Variants in BACE1 observed in about 807,000 individuals in gnomAD.
BACE1 encodes APP beta-secretase.
BACE1 carries 21 observed loss-of-function variants against 54.0 expected under a neutral mutation model. The observed-to-expected ratio is 0.39, with a 90% confidence interval of 0.28 to 0.56. The LOEUF is 0.56. Ranked by LOEUF, BACE1 falls within the 20% of genes least tolerant of loss-of-function variation. The pLI is 0.63. For synonymous variants in BACE1, 232 were observed against 260.9 expected (o/e 0.89, Z 1.07); for missense variants, 511 against 661.2 (o/e 0.77, Z 2.49).
intron 1 of BACE1, among the ~76,000 whole-genome samples, chr11:117,313,896 C>A (rs182136879): frequency 2.4e-4 from 37 of 152,288 alleles, no homozygotes; most frequent in Non-Finnish European, 4.4e-4. Flanking sequence ...GAACAATTAA[C>A]CCTCACAACT....
intron 3 of BACE1, among the ~76,000 whole-genome samples, chr11:117,294,907 G>A (rs1749800981): frequency 1.3e-5 from 2 of 151,884 alleles, no homozygotes; most frequent in South Asian, 2.1e-4. Context: ...GATCTTAAGA[G>A]TACATAGAAA....
In BACE1 at chr11:117,289,472, G is replaced by A; in HGVS notation, c.*94C>T. 6.6e-7 allele frequency: 1 copy of A among 1,518,834 alleles called. No individual in the cohort carries two copies. Among genetic ancestry groups the A allele is most frequent in the Non-Finnish European group, 8.8e-7 (1 of 1,131,298 alleles). The allele number at this position is 1,518,834 out of a possible 1,614,324, so 94.1% of individuals were successfully genotyped here. A position where few individuals can be genotyped will look rare whatever the true frequency, so the allele number is the denominator to read the frequency against. ...GGTGGGGAGGGTCCTGAGGTGCTCT[G>A]GCCACAGGTGCCATCTGTGTCTCCT... On this transcript the variant is annotated 3_prime_UTR_variant, in exon 9 of 9. Coordinates refer to ENST00000313005, the MANE Select transcript of BACE1 (RefSeq NM_012104.6).
At chr11:117,292,842 C>A in intron 5 of BACE1, 1 of 536,174 alleles carries the variant, frequency 1.9e-6, no homozygotes, top group South Asian at 2.5e-5. Context: ...GAACTAGTTC[C>A]ATGTTTTTTT....
At position 117,290,513 on chromosome 11, in the gene BACE1, A is replaced by C; in HGVS notation, c.1239T>G (p.Ile413Met). 6.2e-7 allele frequency: 1 copy of C among 1,614,182 alleles called. No homozygotes were observed. The highest frequency in any genetic ancestry group is 8.5e-7 in the Non-Finnish European group (1 of 1,180,016). ...YVVFDRARKRIGFAVSACHVH... is the reference protein window; with the variant it reads ...YVVFDRARKRMGFAVSACHVH... ...CATGGCAAGCGCTGACAGCAAAGCC[A>C]ATTCGTTTTCGGGCCCGATCAAAGA... The change falls in exon 8 of 9, where the codon ATT becomes ATG. Residue 413 changes from isoleucine (I) to methionine (M), a missense_variant. Transcript: ENST00000313005.
intron 1 of BACE1, among the ~76,000 whole-genome samples, chr11:117,305,826 G>A (rs946087072): frequency 6.6e-6 from 1 of 152,024 alleles, no homozygotes; most frequent in African/African-American, 2.4e-5. Flanking sequence ...ACAAAGTCAG[G>A]AGATCGAGAC....
rs1266334279 is a variant in BACE1, at chr11:117,286,889, A to G, written c.*2677T>C. The G allele has an allele frequency of 6.6e-6, 1 of 152,656 alleles. No homozygotes were observed. Among genetic ancestry groups the G allele is most frequent in the Non-Finnish European group, 1.5e-5 (1 of 68,042 alleles). 9.5% of individuals were successfully genotyped at this position (152,656 alleles called of 1,614,324 possible). ...AGCTGTCATGAACAGGAAAGGTGGC[A>G]AAATGGAAGACCAGTTCTATTGTTC... On this transcript the variant is annotated 3_prime_UTR_variant, in exon 9 of 9. Transcript: ENST00000313005.
chr11:117,297,038 C>A, intron 1 of BACE1, 77 bp from the exon 2 acceptor site: 2 of 1,077,428 alleles, frequency 1.9e-6, no homozygotes, highest in Non-Finnish European at 1.4e-6. Context: ...CCCTCACGCC[C>A]CAGCCACAGT....
chr11:117,295,365 A>C lies in BACE1; in HGVS notation c.351-18T>G, dbSNP rs113777850. The C allele has an allele frequency of 4.2e-5, 68 of 1,609,388 alleles. 3 individuals are homozygous for C. The highest frequency in any genetic ancestry group is 3.6e-4 in the African/African-American group (27 of 74,924). ...TGCTGGACCTGTGGAAAGAAGGCAG[A>C]GATCTGTGGATGCATAACCACAACT... On this transcript the variant is annotated intron_variant, in intron 2 of 8. Coordinates refer to ENST00000313005, the MANE Select transcript of BACE1 (RefSeq NM_012104.6).
chr11:117,306,637 G>A (rs887223673), intron 1 of BACE1, among the ~76,000 whole-genome samples: 4 of 152,006 alleles, frequency 2.6e-5, no homozygotes, highest in African/African-American at 7.2e-5. Context: ...GTGAAACCCC[G>A]TCTCTACCAA....
chr11:117,290,817 C>G, intron 7 of BACE1, 83 bp downstream of exon 7: 5 of 1,565,964 alleles, frequency 3.2e-6, no homozygotes, highest in Non-Finnish European at 4.3e-6. Flanking sequence ...TTTTGTCTTC[C>G]AAGTTCTGGC....
chr11:117,290,364 C>T (rs2034387024), intron 8 of BACE1, 124 bp downstream of exon 8: 13 of 1,232,636 alleles, frequency 1.1e-5, no homozygotes, highest in South Asian at 3.2e-5. Context: ...CAACTGTTGA[C>T]TTGGGTTTGA....
chr11:117,296,399 C>T (rs1238253196), intron 2 of BACE1, among the ~76,000 whole-genome samples: 2 of 152,150 alleles, frequency 1.3e-5, no homozygotes, highest in Non-Finnish European at 2.9e-5. Context: ...AAGACCCTTT[C>T]CTTCATGTCC....
intron 1 of BACE1, 190 bp from the exon 2 acceptor site, chr11:117,297,151 G>T: frequency 3.7e-6 from 2 of 547,142 alleles, no homozygotes; most frequent in South Asian, 5.1e-5. Flanking sequence ...GTCCTGTGGT[G>T]CTGCAGGGGC....
At chr11:117,296,828 G>T in intron 2 of BACE1, 45 bp downstream of exon 2, 1 of 1,463,344 alleles carries the variant, frequency 6.8e-7, no homozygotes, top group Non-Finnish European at 9.5e-7. Flanking sequence ...CTTAGCCCTG[G>T]ATCCTTGGAA....
chr11:117,291,200 A>G, intron 6 of BACE1, 151 bp from the exon 7 acceptor site: 1 of 908,358 alleles, frequency 1.1e-6, no homozygotes, highest in Admixed American at 2.8e-5. Context: ...GATTACAGGA[A>G]GAGAGAGGGA....
At chr11:117,301,574 A>T (rs982510002) in intron 1 of BACE1, among the ~76,000 whole-genome samples, 1 of 150,454 alleles carries the variant, frequency 6.6e-6, no homozygotes. Flanking sequence ...GTGCCACTGC[A>T]CTCCAGCCTG....
At chr11:117,301,082 T>G (rs1398202592) in intron 1 of BACE1, among the ~76,000 whole-genome samples, 2 of 152,132 alleles carry the variant, frequency 1.3e-5, no homozygotes, top group African/African-American at 4.8e-5. Context: ...CACCAAACAC[T>G]GAAGGTGTTT....
At chr11:117,291,614 T>A in intron 6 of BACE1, 98 bp downstream of exon 6, 1 of 867,244 alleles carries the variant, frequency 1.2e-6, no homozygotes. Context: ...TAGAAGGGTC[T>A]AAGTGCAGAC....
intron 1 of BACE1, among the ~76,000 whole-genome samples, chr11:117,314,937 GGGA>G (rs1470204464): frequency 1.3e-5 from 2 of 152,160 alleles, no homozygotes; most frequent in Non-Finnish European, 2.9e-5. Context: ...GACCGCGAGA[GGGA>G]GAAGGGGAGG....
Sources: allele counts gnomAD v4.1 joint callset (sites outside exome capture counted in the v4.1 genomes callset), GRCh38; gene constraint gnomAD v4.1.1; transcripts MANE v1.5; gene names NCBI Gene and HGNC (gene_info 2026-07-23, HGNC 2026-07-21).